VAV3: variants seen among roughly 807,000 people sequenced by gnomAD.
VAV3 encodes the protein guanine nucleotide exchange factor VAV3.
VAV3 carries 94 observed loss-of-function variants against 131.2 expected under a neutral mutation model. The ratio of observed to expected loss-of-function variants is 0.72; its 90% CI spans 0.61 to 0.85. The LOEUF (loss-of-function observed/expected upper bound fraction) is 0.85, where lower values mean the gene tolerates loss of function less well. Ranked by LOEUF, VAV3 falls within the 40% of genes least tolerant of loss-of-function variation. VAV3 has a pLI of 0.00. For synonymous variants in VAV3, 349 were observed against 342.0 expected, an observed-to-expected ratio of 1.02 and a Z score of -0.22; for missense variants, 939 against 1,002.7, an observed-to-expected ratio of 0.94 and a Z score of 0.86.
chr1:107,654,698 A>G (rs954940694), intron 19 of VAV3, among the ~76,000 whole-genome samples: 15 of 152,088 alleles, frequency 9.9e-5, no homozygotes, highest in African/African-American at 3.4e-4. Context: ...TTCTTTAATC[A>G]ACTTTAAATA....
At chr1:107,862,161 A>T (rs1219452509) in intron 2 of VAV3, among the ~76,000 whole-genome samples, 1 of 151,562 alleles carries the variant, frequency 6.6e-6, no homozygotes, top group East Asian at 1.9e-4. Context: ...TAAGTGGAAA[A>T]CAAGTGACTC....
At chr1:107,704,876 T>C (rs1660346155) in intron 16 of VAV3, 84 bp downstream of exon 16, 18 of 1,378,992 alleles carry the variant, frequency 1.3e-5, no homozygotes, top group East Asian at 2.4e-5. Context: ...TTAGAACCTA[T>C]TGGCTAGAAG....
intron 5 of VAV3, among the ~76,000 whole-genome samples, 187 bp downstream of exon 5, chr1:107,772,548 C>T (rs1317709528): frequency 1.3e-5 from 2 of 152,032 alleles, no homozygotes; most frequent in African/African-American, 4.8e-5. Flanking sequence ...AAAAGATTCC[C>T]TATGGTTGTT....
At chr1:107,577,206 G>C (rs1000093937) in intron 25 of VAV3, among the ~76,000 whole-genome samples, 1 of 152,186 alleles carries the variant, frequency 6.6e-6, no homozygotes, top group Non-Finnish European at 1.5e-5. Flanking sequence ...AGCTCTAAGA[G>C]GAAGGTACTA....
intron 1 of VAV3, among the ~76,000 whole-genome samples, chr1:107,958,847 A>T (rs436666): frequency 6.6e-6 from 1 of 152,044 alleles, no homozygotes. Flanking sequence ...CTCATTCTTC[A>T]TATATAGATA....
intron 1 of VAV3, among the ~76,000 whole-genome samples, chr1:107,959,952 T>C (rs534119439): frequency 6.6e-6 from 1 of 152,320 alleles, no homozygotes; most frequent in Non-Finnish European, 1.5e-5. Flanking sequence ...GGAGACATAC[T>C]TGACTCCTCT....
chr1:107,887,617 T>G (rs762135299), intron 1 of VAV3, among the ~76,000 whole-genome samples: 11 of 152,084 alleles, frequency 7.2e-5, no homozygotes, highest in African/African-American at 2.7e-4. Context: ...ATTCAGAAAG[T>G]TTTTAAAAAT....
intron 25 of VAV3, among the ~76,000 whole-genome samples, chr1:107,575,668 G>T (rs1649596647): frequency 6.6e-6 from 1 of 152,130 alleles, no homozygotes; most frequent in Non-Finnish European, 1.5e-5. Flanking sequence ...CAACTGTGTG[G>T]TGACCTTGCA....
At chr1:107,652,095 C>G (rs574161754) in intron 19 of VAV3, among the ~76,000 whole-genome samples, 22 of 152,246 alleles carry the variant, frequency 1.4e-4, no homozygotes, top group Admixed American at 1.4e-3. Context: ...TTCTAAGTCA[C>G]AGGATACGCT....
intron 1 of VAV3, among the ~76,000 whole-genome samples, chr1:107,926,736 A>AATC (rs2101182713): frequency 6.6e-6 from 1 of 152,254 alleles, no homozygotes; most frequent in Admixed American, 6.5e-5. Context: ...TCCGCCCATG[A>AATC]AGGGAGTATT....
At chr1:107,913,378 T>C (rs1672457912) in intron 1 of VAV3, among the ~76,000 whole-genome samples, 1 of 152,188 alleles carries the variant, frequency 6.6e-6, no homozygotes, top group Admixed American at 6.5e-5. Flanking sequence ...GTGCCCAGAG[T>C]GTATACACAA....
chr1:107,912,131 C>T (rs923660963), intron 1 of VAV3, among the ~76,000 whole-genome samples: 1 of 152,064 alleles, frequency 6.6e-6, no homozygotes, highest in African/African-American at 2.4e-5. Flanking sequence ...GTAGCACATA[C>T]AGAAAACACA....
intron 1 of VAV3, among the ~76,000 whole-genome samples, chr1:107,938,838 T>C (rs955874987): frequency 3.9e-5 from 6 of 152,240 alleles, no homozygotes; most frequent in African/African-American, 1.4e-4. Context: ...CAGTGAACTG[T>C]AACCTAATGG....
chr1:107,626,393 TCTC>T (rs1227103229), intron 20 of VAV3, among the ~76,000 whole-genome samples: 1 of 152,184 alleles, frequency 6.6e-6, no homozygotes, highest in Non-Finnish European at 1.5e-5. Flanking sequence ...ACTGCCTTTT[TCTC>T]CTTTCCTGTA....
intron 2 of VAV3, among the ~76,000 whole-genome samples, chr1:107,791,335 T>A (rs1045457592): frequency 2.6e-5 from 4 of 151,528 alleles, no homozygotes; most frequent in African/African-American, 7.3e-5. Context: ...AGGAGAACTG[T>A]GCTGGCAGTT....
chr1:107,596,424 TA>T (rs996027286), intron 24 of VAV3, 83 bp from the exon 25 acceptor site: 2 of 1,450,698 alleles, frequency 1.4e-6, no homozygotes, highest in African/African-American at 2.8e-5. Flanking sequence ...ATAAATACAA[TA>T]AGGATGACCA....
At chr1:107,914,653 A>C (rs1672526073) in intron 1 of VAV3, among the ~76,000 whole-genome samples, 1 of 152,204 alleles carries the variant, frequency 6.6e-6, no homozygotes, top group Non-Finnish European at 1.5e-5. Context: ...AATGTTTGGA[A>C]AACACTGAGG....
chr1:107,676,059 C>T (rs1387358354), intron 19 of VAV3, among the ~76,000 whole-genome samples: 1 of 152,096 alleles, frequency 6.6e-6, no homozygotes, highest in Non-Finnish European at 1.5e-5. Context: ...ACAGTATGCC[C>T]AAGGATGAAA....
In VAV3 at chr1:107,617,616, G is replaced by T; in HGVS notation, c.1931C>A (p.Ser644Tyr). The stretch of plus-strand genomic sequence containing the variant: ...ACTTGGAAAAAATCCAACCTCTCCA[G>T]ATGCTAAATTTCTGCCCTAAGGAAA... Reference protein sequence around the residue: ...SLFWQGRNLASGEVGFFPSDA... With the variant: ...SLFWQGRNLAYGEVGFFPSDA... Residue 644 changes from serine to tyrosine, a missense_variant, in exon 21 of 27, where the codon TCT becomes TAT. Coordinates refer to ENST00000370056, the MANE Select transcript of VAV3 (RefSeq NM_006113.5). 3 of 1,607,788 alleles carry T rather than the reference G, an allele frequency of 1.9e-6. No individual in the cohort carries two copies. Among genetic ancestry groups the T allele is most frequent in the Non-Finnish European group, 2.5e-6 (3 of 1,177,854 alleles).
Sources: gnomAD v4.1 joint callset for allele counts (sites outside exome capture counted in the v4.1 genomes callset) on GRCh38, gnomAD v4.1.1 for gene constraint, MANE v1.5 for transcripts, NCBI Gene and HGNC (gene_info 2026-07-23, HGNC 2026-07-21) for gene names.